Variants in SCOC observed in about 807,000 individuals in gnomAD.
SCOC encodes short coiled coil protein.
SCOC carries 7 observed loss-of-function variants against 9.9 expected under a neutral mutation model. That is an observed-to-expected ratio of 0.71 (90% CI 0.40 to 1.33). The LOEUF is 1.33. Among genes scored for constraint, SCOC ranks in the 40% most tolerant of loss-of-function variants. The probability of loss-of-function intolerance (pLI) is 0.01; values close to 1 mark genes in which losing one functional copy is unlikely to be tolerated. For missense variants in SCOC, 66 were observed against 89.7 expected (o/e 0.74, Z 1.07); for synonymous variants, 19 against 28.2 (o/e 0.67, Z 1.03).
chr4:140,372,832 G>T (rs1179270446), upstream of SCOC, among the ~76,000 whole-genome samples: 1 of 152,174 alleles, frequency 6.6e-6, no homozygotes, highest in Non-Finnish European at 1.5e-5. Flanking sequence ...GCAGGATGCC[G>T]CTTTGTGTCA....
chr4:140,260,346 A>G (rs948590707), intron 1 of SCOC, among the ~76,000 whole-genome samples: 3 of 152,272 alleles, frequency 2.0e-5, no homozygotes, highest in African/African-American at 2.4e-5. Context: ...TCACCAGCAA[A>G]GAAATGACAG....
At chr4:140,308,455 G>A (rs922022120) in intron 1 of SCOC, among the ~76,000 whole-genome samples, 2 of 152,188 alleles carry the variant, frequency 1.3e-5, no homozygotes, top group African/African-American at 4.8e-5. Context: ...GGGCCGAGCA[G>A]AGGATGACCT....
At chr4:140,304,336 T>C (rs1484011199) in intron 1 of SCOC, among the ~76,000 whole-genome samples, 1 of 152,026 alleles carries the variant, frequency 6.6e-6, no homozygotes, top group Non-Finnish European at 1.5e-5. Context: ...GGGAGAGATA[T>C]GGAGATATTG....
intron 2 of SCOC, among the ~76,000 whole-genome samples, chr4:140,347,174 T>C (rs766552373): frequency 2.6e-5 from 4 of 152,190 alleles, no homozygotes; most frequent in Non-Finnish European, 5.9e-5. Flanking sequence ...TTTTTTTTAA[T>C]GGCTACTAGG....
chr4:140,300,603 C>T lies in SCOC; in HGVS notation c.-18-43018C>T, dbSNP rs116299533. Among the ~76,000 whole-genome samples the T allele has an allele frequency of 3.9e-3, 587 of 152,258 alleles. 6 individuals carry two copies. Among genetic ancestry groups the T allele is most frequent in the African/African-American group, 0.014 (561 of 41,544 alleles). Reference sequence around the variant, plus strand: ...GGGTGAAGAAGGAACTAAAACCTTCCGAGTGTTTGAATGGAGGCTGTCTGT... The same window carrying T: ...GGGTGAAGAAGGAACTAAAACCTTCTGAGTGTTTGAATGGAGGCTGTCTGT... On this transcript the variant is annotated intron_variant, in intron 1 of 4. Transcript: ENST00000394205.
chr4:140,258,887 G>C (rs6815489), intron 1 of SCOC, among the ~76,000 whole-genome samples: 39,441 of 152,116 alleles, frequency 0.26, 8,094 homozygotes, highest in African/African-American at 0.56. Flanking sequence ...TATCATCCAT[G>C]AATGGCTTCT....
intron 1 of SCOC, among the ~76,000 whole-genome samples, chr4:140,300,125 C>T (rs897298822): frequency 5.9e-5 from 9 of 152,124 alleles, no homozygotes; most frequent in Admixed American, 2.6e-4. Flanking sequence ...AGACAAAGGC[C>T]GCAGGTTTGA....
At chr4:140,373,448 A>G (rs1373790984), upstream of SCOC, 4 of 1,542,544 alleles carry the variant, frequency 2.6e-6, no homozygotes, top group Middle Eastern at 5.0e-4. Context: ...AGCGACCTCA[A>G]TCCTGATTGG....
intron 1 of SCOC, among the ~76,000 whole-genome samples, chr4:140,279,691 G>A (rs1243944229): frequency 1.3e-5 from 2 of 152,212 alleles, no homozygotes; most frequent in Admixed American, 1.3e-4. Context: ...GTTCTCCCGT[G>A]ATTCAGTGCA....
intron 1 of SCOC, among the ~76,000 whole-genome samples, chr4:140,278,154 A>G (rs970507520): frequency 1.3e-5 from 2 of 152,234 alleles, no homozygotes; most frequent in African/African-American, 4.8e-5. Flanking sequence ...TTTATTTCTC[A>G]CAGTTCTAGA....
At chr4:140,291,573 C>T (rs1332088068) in intron 1 of SCOC, 1 of 449,724 alleles carries the variant, frequency 2.2e-6, no homozygotes, top group Non-Finnish European at 4.5e-6. Flanking sequence ...AGCAACAGAA[C>T]AAAAAAGAAT....
intron 2 of SCOC, among the ~76,000 whole-genome samples, chr4:140,346,567 G>A (rs1726749878): frequency 6.6e-6 from 1 of 152,182 alleles, no homozygotes; most frequent in South Asian, 2.1e-4. Context: ...GGAAAGGATT[G>A]AAGGCATTAA....
intron 1 of SCOC, among the ~76,000 whole-genome samples, chr4:140,310,504 T>C (rs569690350): frequency 6.6e-6 from 1 of 152,346 alleles, no homozygotes; most frequent in East Asian, 1.9e-4. Context: ...ATGTGCAATG[T>C]GTCTGTAAAG....
intron 1 of SCOC, among the ~76,000 whole-genome samples, chr4:140,273,478 T>C (rs1730897350): frequency 6.6e-6 from 1 of 152,142 alleles, no homozygotes; most frequent in African/African-American, 2.4e-5. Flanking sequence ...GGCCTAATTT[T>C]CTCCTTTTGC....
intron 1 of SCOC, among the ~76,000 whole-genome samples, chr4:140,271,777 A>G (rs1730850424): frequency 1.3e-5 from 2 of 152,190 alleles, no homozygotes; most frequent in African/African-American, 4.8e-5. Flanking sequence ...GCACTGTGCT[A>G]GGTGATAGGG....
chr4:140,309,335 C>T (rs1017658997), intron 1 of SCOC, among the ~76,000 whole-genome samples: 6 of 152,180 alleles, frequency 3.9e-5, no homozygotes, highest in Middle Eastern at 3.2e-3. Flanking sequence ...GAATGGAAGA[C>T]CCAAAGACAA....
At chr4:140,350,308 C>T (rs1319514853) in intron 2 of SCOC, among the ~76,000 whole-genome samples, 2 of 152,140 alleles carry the variant, frequency 1.3e-5, no homozygotes, top group African/African-American at 4.8e-5. Flanking sequence ...AAAACACAGC[C>T]TGGGTTTTCA....
chr4:140,385,002 A>C lies in SCOC; in HGVS notation c.*3898A>C, dbSNP rs1417218454. On this transcript the variant is annotated 3_prime_UTR_variant, in exon 4 of 4. Coordinates refer to ENST00000608372, the MANE Select transcript of SCOC (RefSeq NM_001153484.2). ...AGGGCCCTCAACACTGATCTCTCAG[A>C]CTTCCAGCTTCCAAAACTGAGAAAT... The C allele has an allele frequency of 2.6e-5, 4 of 152,128 alleles. No homozygotes were observed. Among genetic ancestry groups the C allele is most frequent in the Admixed American group, 6.6e-5 (1 of 15,266 alleles). 9.4% of individuals were successfully genotyped at this position (152,128 alleles called of 1,614,324 possible).
At chr4:140,355,915 T>TTA (rs1727209762) in intron 2 of SCOC, among the ~76,000 whole-genome samples, 1 of 152,212 alleles carries the variant, frequency 6.6e-6, no homozygotes, top group Non-Finnish European at 1.5e-5. Context: ...AAAAATGAGA[T>TTA]TAATACTAGA....
Sources: allele counts gnomAD v4.1 joint callset (sites outside exome capture counted in the v4.1 genomes callset), GRCh38; gene constraint gnomAD v4.1.1; transcripts MANE v1.5; gene names NCBI Gene and HGNC (gene_info 2026-07-23, HGNC 2026-07-21).